Variants in DCDC1 observed in about 807,000 individuals in gnomAD.
DCDC1 encodes the protein doublecortin domain-containing protein 1.
Under a neutral mutation model 178.3 loss-of-function variants are expected in DCDC1, and 200 were observed. That is an observed-to-expected ratio of 1.12 (90% CI 1.00 to 1.26). The LOEUF (loss-of-function observed/expected upper bound fraction) is 1.26. DCDC1 is among the 50% of genes most tolerant of loss of function. The pLI is 0.00. For synonymous variants in DCDC1, 690 were observed against 604.8 expected (o/e 1.14, Z -2.07); for missense variants, 1,983 against 1,749.2 (o/e 1.13, Z -2.38).
intron 9 of DCDC1, among the ~76,000 whole-genome samples, chr11:31,162,713 T>C (rs1966419152): frequency 6.6e-6 from 1 of 152,190 alleles, no homozygotes; most frequent in South Asian, 2.1e-4. Context: ...AATGTATTTC[T>C]GAAGAATTTT....
intron 2 of DCDC1, among the ~76,000 whole-genome samples, chr11:31,329,931 G>A (rs1949875703): frequency 6.6e-6 from 1 of 152,108 alleles, no homozygotes; most frequent in Non-Finnish European, 1.5e-5. Context: ...GGGATGGCTG[G>A]GTCAAATGGT....
chr11:30,990,829 C>T (rs1162735486), intron 20 of DCDC1, among the ~76,000 whole-genome samples: 1 of 152,158 alleles, frequency 6.6e-6, no homozygotes, highest in Non-Finnish European at 1.5e-5. Context: ...TTCACTGACG[C>T]TAATCACGCA....
At chr11:31,129,794 T>A (rs1352720053) in intron 10 of DCDC1, among the ~76,000 whole-genome samples, 1 of 152,040 alleles carries the variant, frequency 6.6e-6, no homozygotes, top group South Asian at 2.1e-4. Flanking sequence ...ACCAAATTCA[T>A]CCACCTTGAA....
chr11:31,042,789 C>T (rs979361924), intron 20 of DCDC1, among the ~76,000 whole-genome samples: 2 of 152,152 alleles, frequency 1.3e-5, no homozygotes, highest in African/African-American at 4.8e-5. Context: ...TGTGTGAGAA[C>T]CAGCAACCTC....
At chr11:31,042,678 C>A (rs1954546823) in intron 20 of DCDC1, among the ~76,000 whole-genome samples, 1 of 152,034 alleles carries the variant, frequency 6.6e-6, no homozygotes, top group Admixed American at 6.6e-5. Context: ...TCAAACATAT[C>A]TACAAAAATA....
At chr11:31,043,084 C>A (rs567338336) in intron 20 of DCDC1, among the ~76,000 whole-genome samples, 1 of 152,276 alleles carries the variant, frequency 6.6e-6, no homozygotes, top group East Asian at 1.9e-4. Context: ...GGCTACTAAC[C>A]TGTATAGCAT....
chr11:30,998,988 T>G (rs767047232), intron 20 of DCDC1, among the ~76,000 whole-genome samples: 6 of 152,176 alleles, frequency 3.9e-5, no homozygotes, highest in Non-Finnish European at 8.8e-5. Context: ...ATTACTTCTG[T>G]GGTATTTTCC....
intron 20 of DCDC1, among the ~76,000 whole-genome samples, chr11:30,961,097 A>G (rs1212920941): frequency 6.6e-6 from 1 of 152,162 alleles, no homozygotes; most frequent in African/African-American, 2.4e-5. Flanking sequence ...ACAATGCTTT[A>G]TTCAATTAAT....
chr11:30,894,847 T>C (rs1393037495), intron 34 of DCDC1, among the ~76,000 whole-genome samples: 1 of 151,856 alleles, frequency 6.6e-6, no homozygotes. Context: ...GAGACAGGAA[T>C]TTTTTTTTCT....
rs750992606 is a variant in DCDC1, at chr11:30,952,502, A to G, written c.2658T>C (p.Pro886=). 1 of 1,588,334 alleles carries G rather than the reference A, an allele frequency of 6.3e-7. No homozygotes were observed. The highest frequency in any genetic ancestry group is 1.1e-5 in the South Asian group (1 of 89,618). ...ACATGTAGGTAAGCTTGTTCCATAG[A>G]GGATTTTCAACTCTAGAATGTTTCC... ...GQWKHSRVEN[P]LWNKLTYMWP... is the part of the protein sequence containing the mutation. The change falls in exon 21 of 39, where the codon CCT becomes CCC. Residue 886 remains proline (P), a synonymous_variant. Coordinates refer to ENST00000684477, the MANE Select transcript of DCDC1 (RefSeq NM_001387274.1).
intron 11 of DCDC1, among the ~76,000 whole-genome samples, chr11:31,123,993 G>C (rs1292696253): frequency 6.6e-6 from 1 of 151,968 alleles, no homozygotes; most frequent in Non-Finnish European, 1.5e-5. Flanking sequence ...TGGCTTCTTT[G>C]CATATGTAAA....
At chr11:31,055,227 G>A (rs570382634) in intron 20 of DCDC1, among the ~76,000 whole-genome samples, 1 of 152,046 alleles carries the variant, frequency 6.6e-6, no homozygotes, top group Admixed American at 6.5e-5. Context: ...ACAAACATAT[G>A]AAAAAACGCT....
chr11:31,195,851 A>T (rs1970632968), intron 9 of DCDC1, among the ~76,000 whole-genome samples: 2 of 152,072 alleles, frequency 1.3e-5, no homozygotes, highest in South Asian at 4.1e-4. Flanking sequence ...CTGAAAATAA[A>T]TATTGAGAAT....
chr11:31,332,079 G>C (rs901425032), intron 2 of DCDC1, among the ~76,000 whole-genome samples: 11 of 152,248 alleles, frequency 7.2e-5, no homozygotes, highest in African/African-American at 2.6e-4. Context: ...TCTATTCAGA[G>C]ATTCAATTTC....
At chr11:31,293,369 C>CTTAGCAAGAA (rs1947369701) in intron 6 of DCDC1, among the ~76,000 whole-genome samples, 1 of 152,202 alleles carries the variant, frequency 6.6e-6, no homozygotes, top group South Asian at 2.1e-4. Flanking sequence ...AGCAAGAAAC[C>CTTAGCAAGAA]ACTCCCACTA....
intron 35 of DCDC1, 24 bp downstream of exon 35, chr11:30,894,224 T>A (rs1944018317): frequency 6.3e-7 from 1 of 1,596,802 alleles, no homozygotes; most frequent in Admixed American, 1.8e-5. Flanking sequence ...GAGTCTTTAA[T>A]GTCCAGAATC....
chr11:31,295,741 C>T (rs1387617102), intron 6 of DCDC1, among the ~76,000 whole-genome samples: 1 of 152,138 alleles, frequency 6.6e-6, no homozygotes, highest in Admixed American at 6.5e-5. Flanking sequence ...AGAGTATTCC[C>T]TCAACAAGTC....
intron 20 of DCDC1, among the ~76,000 whole-genome samples, chr11:31,043,497 T>C (rs1954616210): frequency 6.6e-6 from 1 of 152,160 alleles, no homozygotes; most frequent in Non-Finnish European, 1.5e-5. Context: ...TTTTCCCTAA[T>C]GGATTTTTTT....
intron 9 of DCDC1, among the ~76,000 whole-genome samples, chr11:31,240,179 TATC>T (rs1483526374): frequency 6.6e-6 from 1 of 152,008 alleles, no homozygotes; most frequent in Non-Finnish European, 1.5e-5. Flanking sequence ...CATTTTATAA[TATC>T]ATGATATCTT....
Sources: gnomAD v4.1 joint callset for allele counts (sites outside exome capture counted in the v4.1 genomes callset) on GRCh38, gnomAD v4.1.1 for gene constraint, MANE v1.5 for transcripts, NCBI Gene and HGNC (gene_info 2026-07-23, HGNC 2026-07-21) for gene names.